ADAMTSL3: variants seen among roughly 807,000 people sequenced by gnomAD.
ADAMTSL3 encodes the protein ADAMTS-like protein 3.
In ADAMTSL3, 128 loss-of-function variants were observed where a neutral mutation model predicts 201.7. The observed-to-expected ratio is 0.63, with a 90% confidence interval of 0.55 to 0.73. ADAMTSL3 has a LOEUF of 0.73. ADAMTSL3 is among the 30% of genes least tolerant of loss of function. ADAMTSL3 has a pLI of 0.00. For missense variants in ADAMTSL3, 1,990 were observed against 2,119.6 expected, an observed-to-expected ratio of 0.94 and a Z score of 1.20; for synonymous variants, 738 against 748.4, an observed-to-expected ratio of 0.99 and a Z score of 0.23.
chr15:83,886,098 A>C (rs1324012391), intron 10 of ADAMTSL3, among the ~76,000 whole-genome samples: 2 of 152,212 alleles, frequency 1.3e-5, no homozygotes, highest in Non-Finnish European at 2.9e-5. Flanking sequence ...CACACGCTAC[A>C]AAAGCAGCAT....
intron 7 of ADAMTSL3, among the ~76,000 whole-genome samples, chr15:83,857,042 A>C (rs2064750988): frequency 6.6e-6 from 1 of 151,910 alleles, no homozygotes; most frequent in Non-Finnish European, 1.5e-5. Flanking sequence ...GTGGTACCTG[A>C]TTGTGGTTTT....
chr15:83,688,591 C>A (rs1177536010), intron 2 of ADAMTSL3, among the ~76,000 whole-genome samples: 1 of 151,544 alleles, frequency 6.6e-6, no homozygotes, highest in African/African-American at 2.4e-5. Context: ...CCTTTACGTT[C>A]TTTTATTCCT....
intron 4 of ADAMTSL3, among the ~76,000 whole-genome samples, chr15:83,787,827 C>T (rs947695460): frequency 2.0e-5 from 3 of 152,036 alleles, no homozygotes; most frequent in Admixed American, 6.6e-5. Flanking sequence ...TCCCCCTCCC[C>T]CTCCTCTTTC....
chr15:83,942,003 G>A (rs937637369), intron 17 of ADAMTSL3, among the ~76,000 whole-genome samples: 2 of 152,202 alleles, frequency 1.3e-5, no homozygotes, highest in South Asian at 2.1e-4. Context: ...TGTAAATTGG[G>A]AGAATCTTCC....
chr15:83,664,290 C>T (rs1387639019), intron 2 of ADAMTSL3, among the ~76,000 whole-genome samples: 1 of 147,616 alleles, frequency 6.8e-6, no homozygotes, highest in Non-Finnish European at 1.5e-5. Context: ...TTTTTTAACT[C>T]AAGGTTCCCT....
chr15:83,876,504 A>G (rs925790078), intron 9 of ADAMTSL3, among the ~76,000 whole-genome samples: 1 of 152,056 alleles, frequency 6.6e-6, no homozygotes, highest in Non-Finnish European at 1.5e-5. Flanking sequence ...TCTCAATTTT[A>G]CTGTAATGTA....
chr15:84,020,421 G>A (rs2068179463), intron 25 of ADAMTSL3, among the ~76,000 whole-genome samples: 1 of 152,192 alleles, frequency 6.6e-6, no homozygotes, highest in Admixed American at 6.5e-5. Flanking sequence ...TCACCTGGGA[G>A]GTTCTCAGTA....
chr15:83,879,808 A>G (rs536596318), intron 9 of ADAMTSL3, among the ~76,000 whole-genome samples: 34 of 152,306 alleles, frequency 2.2e-4, no homozygotes, highest in African/African-American at 7.9e-4. Flanking sequence ...ATCATGAGAG[A>G]TGTGCTAAAA....
chr15:83,911,004 T>G (rs1383926416), intron 15 of ADAMTSL3, among the ~76,000 whole-genome samples: 1 of 152,142 alleles, frequency 6.6e-6, no homozygotes, highest in Non-Finnish European at 1.5e-5. Flanking sequence ...GAAGTCCAAT[T>G]TGAATGAAAA....
intron 3 of ADAMTSL3, among the ~76,000 whole-genome samples, chr15:83,764,692 T>C (rs1257630972): frequency 6.6e-6 from 1 of 152,066 alleles, no homozygotes; most frequent in African/African-American, 2.4e-5. Context: ...ATCCACAGAA[T>C]CTGGCTGGCA....
chr15:84,001,072 G>C (rs2067783842), intron 23 of ADAMTSL3, among the ~76,000 whole-genome samples: 1 of 152,216 alleles, frequency 6.6e-6, no homozygotes, highest in South Asian at 2.1e-4. Context: ...CAACTAAATT[G>C]CATCAATGGT....
chr15:83,671,111 C>G (rs1313182591), intron 2 of ADAMTSL3, among the ~76,000 whole-genome samples: 1 of 152,016 alleles, frequency 6.6e-6, no homozygotes, highest in African/African-American at 2.4e-5. Flanking sequence ...CATCTGTATT[C>G]ATAAGAGATG....
Position 83,819,977 on chromosome 15 carries a change from C to T in ADAMTSL3, c.530C>T (p.Ala177Val). The T allele has an allele frequency of 6.2e-7, 1 of 1,614,140 alleles. No homozygotes were observed. The highest frequency in any genetic ancestry group is 8.5e-7 in the Non-Finnish European group (1 of 1,180,018). The stretch of plus-strand genomic sequence containing the variant: ...GGACAAAACTTGGTGGTGGAGCTGG[C>T]ACCTAAGGTACTGGATGGAACTCGT... ...AQGQNLVVELAPKVLDGTRCN... is the reference protein window; with the variant it reads ...AQGQNLVVELVPKVLDGTRCN... The change falls in exon 6 of 30, where the codon GCA becomes GTA. Residue 177 changes from alanine to valine, a missense_variant. Coordinates refer to ENST00000286744, the MANE Select transcript of ADAMTSL3 (RefSeq NM_207517.3).
intron 4 of ADAMTSL3, among the ~76,000 whole-genome samples, chr15:83,782,682 T>G (rs964555471): frequency 6.6e-6 from 1 of 152,016 alleles, no homozygotes; most frequent in African/African-American, 2.4e-5. Context: ...TGAGAACACA[T>G]GGACACATAC....
At chr15:83,785,520 T>A (rs58652319) in intron 4 of ADAMTSL3, among the ~76,000 whole-genome samples, 38 of 152,272 alleles carry the variant, frequency 2.5e-4, no homozygotes, top group African/African-American at 8.2e-4. Context: ...TTAGATAACC[T>A]GTCTGCCCAT....
intron 3 of ADAMTSL3, among the ~76,000 whole-genome samples, chr15:83,714,869 C>A (rs1456386814): frequency 7.5e-5 from 1 of 13,356 alleles, no homozygotes; most frequent in Non-Finnish European, 1.1e-4. Context: ...TCCCTCCCTC[C>A]CTCCCTCCCT....
chr15:83,947,110 C>T (rs2142049415), intron 19 of ADAMTSL3, among the ~76,000 whole-genome samples: 1 of 152,022 alleles, frequency 6.6e-6, no homozygotes, highest in African/African-American at 2.4e-5. Flanking sequence ...TTTTTTTTGG[C>T]AGAGACTCTG....
chr15:83,732,059 C>A (rs1456217489), intron 3 of ADAMTSL3, among the ~76,000 whole-genome samples: 1 of 151,950 alleles, frequency 6.6e-6, no homozygotes, highest in Non-Finnish European at 1.5e-5. Context: ...ACAAAAGTAA[C>A]CATGTGAGGA....
chr15:83,901,791 C>A (rs1457881385), intron 15 of ADAMTSL3, among the ~76,000 whole-genome samples: 1 of 151,968 alleles, frequency 6.6e-6, no homozygotes, highest in Non-Finnish European at 1.5e-5. Flanking sequence ...CACCTACAAT[C>A]CTGTAAGGGA....
Sources: gnomAD v4.1 joint callset for allele counts (sites outside exome capture counted in the v4.1 genomes callset) on GRCh38, gnomAD v4.1.1 for gene constraint, MANE v1.5 for transcripts, NCBI Gene and HGNC (gene_info 2026-07-23, HGNC 2026-07-21) for gene names.